The following TTF2 variants were observed in gnomAD, a reference collection of about 807,000 sequenced individuals.
TTF2 encodes the protein RNA polymerase II termination factor.
In TTF2, 108 loss-of-function variants were observed where a neutral mutation model predicts 142.4. The ratio of observed to expected loss-of-function variants is 0.76; its 90% CI spans 0.65 to 0.89. The LOEUF (loss-of-function observed/expected upper bound fraction) is 0.89, where lower values mean the gene tolerates loss of function less well. Ranked by LOEUF, TTF2 falls within the 40% of genes least tolerant of loss-of-function variation. The probability of loss-of-function intolerance (pLI) is 0.00; values close to 1 mark genes in which losing one functional copy is unlikely to be tolerated. For synonymous variants in TTF2, 483 were observed against 506.2 expected, an observed-to-expected ratio of 0.95 and a Z score of 0.61; for missense variants, 1,327 against 1,379.8, an observed-to-expected ratio of 0.96 and a Z score of 0.61.
chr1:117,090,182 C>T lies in TTF2; in HGVS notation c.2470C>T (p.Gln824Ter). Residue 824 changes from glutamine (Q) to a stop codon, truncating the protein, a stop_gained, in exon 14 of 23, where the codon CAG (glutamine) becomes TAG (stop). Transcript: ENST00000369466. LOFTEE classifies it high-confidence loss of function. This position sits in a 1 kb window ranked among gnomAD's most constrained non-coding sequence, Gnocchi z 4.8. ...KSLLLRRTKD[Q>*]LDSTGRPLVI... Reference sequence around the variant, plus strand: ...CCTTTTGCTGAGGAGAACAAAAGACCAGCTGGACTCTACTGGCAGACCTTT... The same window carrying T: ...CCTTTTGCTGAGGAGAACAAAAGACTAGCTGGACTCTACTGGCAGACCTTT... 1 of 1,614,004 alleles carries T rather than the reference C, an allele frequency of 6.2e-7. No homozygotes were observed. The highest frequency in any genetic ancestry group is 2.2e-5 in the East Asian group (1 of 44,882).
rs1257442911 is a variant in TTF2, at chr1:117,073,811, G to A, written c.285+84G>A. ...CACCTGAAAATACCTTGAAGTTCAC[G>A]TAAATGAGTTGGTCTTCATCAGACT... is the stretch of plus-strand genomic sequence containing the variant. On this transcript the variant is annotated intron_variant, in intron 4 of 22. Transcript: ENST00000369466. This position sits in a 1 kb window ranked among gnomAD's most constrained non-coding sequence, Gnocchi z 4.4. 85 of 1,316,878 alleles carry A rather than the reference G, an allele frequency of 6.5e-5. No individual in the cohort carries two copies. Among genetic ancestry groups the A allele is most frequent in the South Asian group, 2.1e-4 (15 of 72,566 alleles). 81.6% of individuals were successfully genotyped at this position (1,316,878 alleles called of 1,614,324 possible). A position where few individuals can be genotyped will look rare whatever the true frequency, so the allele number is the denominator to read the frequency against.
rs1647416048 is a variant in TTF2, at chr1:117,080,601, A to G, written c.1783+952A>G. ...AGGCTAAAATTTTCTAAGGTGTTCA[A>G]TTTTCAGAAACCATGATAGATGTCC... On this transcript the variant is annotated intron_variant, in intron 9 of 22. Transcript: ENST00000369466. The surrounding 1 kb of genome is among the most constrained non-coding windows in gnomAD (Gnocchi z 4.3). Among the ~76,000 whole-genome samples, 1 of 152,146 alleles carries G rather than the reference A, an allele frequency of 6.6e-6. No individual in the cohort carries two copies.
rs1649904006 is a variant in TTF2 at position 117,105,907 on chromosome 1, A to G, written c.*4383A>G. ...CTCTGATTGTCTGTTGCTCAATGAA[A>G]TGGCTTTTAGCAGGGCTCAAAGGTG... On this transcript the variant is annotated 3_prime_UTR_variant, in exon 23 of 23. Transcript: ENST00000369466. The surrounding 1 kb of genome is among the most constrained non-coding windows in gnomAD (Gnocchi z 4.7). 6.6e-6 allele frequency: 1 copy of G among 152,180 alleles called. No individual in the cohort carries two copies. Among genetic ancestry groups the G allele is most frequent in the African/African-American group, 2.4e-5 (1 of 41,442 alleles). 9.4% of individuals were successfully genotyped at this position (152,180 alleles called of 1,614,324 possible).
At chr1:117,084,228 G>T in intron 11 of TTF2, 60 bp downstream of exon 11, 2 of 1,595,490 alleles carry the variant, frequency 1.3e-6, no homozygotes, top group Non-Finnish European at 1.7e-6. Context: ...GGGCCCACGG[G>T]CCTTTGCTCC....
Position 117,076,343 on chromosome 1 carries a change from G to T in TTF2, c.1390+49G>T. ...CTCCGGGTTTGCATCGACTTTACAAGAGACATTCGGGAAGCCCTTTTAATA... is the reference window on the plus strand; with the variant it reads ...CTCCGGGTTTGCATCGACTTTACAATAGACATTCGGGAAGCCCTTTTAATA... On this transcript the variant is annotated intron_variant, in intron 6 of 22. Transcript: ENST00000369466. The surrounding 1 kb of genome is among the most constrained non-coding windows in gnomAD (Gnocchi z 4.6). The T allele has an allele frequency of 1.4e-6, 2 of 1,448,484 alleles. No individual in the cohort carries two copies. The highest frequency in any genetic ancestry group is 2.4e-5 in the South Asian group (2 of 83,950). 89.7% of individuals were successfully genotyped at this position (1,448,484 alleles called of 1,614,324 possible).
rs1656453381 is a variant in TTF2, at chr1:117,070,018, A to G, written c.219-3643A>G. On this transcript the variant is annotated intron_variant, in intron 3 of 22. Transcript: ENST00000369466. This position sits in a 1 kb window ranked among gnomAD's most constrained non-coding sequence, Gnocchi z 4.2. The stretch of plus-strand genomic sequence containing the variant: ...TTTCCACTGCATTCTTTGTTGATTT[A>G]CAATATAATAAAACGTAACAAACAA... Among the ~76,000 whole-genome samples, 1 of 152,248 alleles carries G rather than the reference A, an allele frequency of 6.6e-6. No homozygotes were observed. Among genetic ancestry groups the G allele is most frequent in the African/African-American group, 2.4e-5 (1 of 41,456 alleles).
Position 117,091,825 on chromosome 1 carries a change from G to T in TTF2, c.2680G>T (p.Glu894Ter). The change falls in exon 17 of 23, where the codon GAG (glutamate) becomes TAG (stop). Residue 894 changes from glutamate to a stop codon, truncating the protein, a stop_gained. Transcript: ENST00000369466. LOFTEE classifies it high-confidence loss of function. ...PNNPFSRVAL[E>*]FGSEEPRHSE... ...GTCTTCCCTCTTGGAAGTGGCACTG[G>T]AGTTTGGGTCTGAGGAGCCTAGACA... is the stretch of plus-strand genomic sequence containing the variant. 6.2e-7 allele frequency: 1 copy of T among 1,612,754 alleles called. No homozygotes were observed. The highest frequency in any genetic ancestry group is 8.5e-7 in the Non-Finnish European group (1 of 1,179,310).
In TTF2 at chr1:117,107,288, T is replaced by C. The variant is rs945676873; in HGVS notation, c.*5764T>C. ...CCAACACCCACACACAAACTTTAAA[T>C]ATTTGTAACAGAATTGTTACCATTA... On this transcript the variant is annotated 3_prime_UTR_variant, in exon 23 of 23. Transcript: ENST00000369466. 1 of 152,204 alleles carries C rather than the reference T, an allele frequency of 6.6e-6. No individual in the cohort carries two copies. Among genetic ancestry groups the C allele is most frequent in the Non-Finnish European group, 1.5e-5 (1 of 68,056 alleles). 9.4% of individuals were successfully genotyped at this position (152,204 alleles called of 1,614,324 possible).
In TTF2 at chr1:117,104,274, T is replaced by G. The variant is rs530874492; in HGVS notation, c.*2750T>G. 19 of 152,366 alleles carry G rather than the reference T, an allele frequency of 1.2e-4. No homozygotes were observed. The highest frequency in any genetic ancestry group is 2.2e-4 in the Non-Finnish European group (15 of 68,024). The allele number at this position is 152,366 out of a possible 1,614,324, so 9.4% of individuals were successfully genotyped here. On this transcript the variant is annotated 3_prime_UTR_variant, in exon 23 of 23. Transcript: ENST00000369466. ...TCCTTTCATCTGTAAAATGTGTGGATTAGCATGTATCTCATGCTCCACTGG... is the reference window on the plus strand; with the variant it reads ...TCCTTTCATCTGTAAAATGTGTGGAGTAGCATGTATCTCATGCTCCACTGG...
rs1353896851 is a variant in TTF2 at position 117,073,060 on chromosome 1, TG to T, written c.219-600del. ...TTGATTAATATGTCTTTTAAGTCTC[TG>T]AAGTTTTCCCTTCATCTTTTTTTCT... On this transcript the variant is annotated intron_variant, in intron 3 of 22. Coordinates refer to ENST00000369466, the MANE Select transcript of TTF2 (RefSeq NM_003594.4). This position sits in a 1 kb window ranked among gnomAD's most constrained non-coding sequence, Gnocchi z 4.4. 6.6e-6 allele frequency among the ~76,000 whole-genome samples: 1 copy of T among 152,272 alleles called. No homozygotes were observed. Among genetic ancestry groups the T allele is most frequent in the Non-Finnish European group, 1.5e-5 (1 of 68,044 alleles).
Position 117,097,141 on chromosome 1 carries a change from A to C in TTF2, c.3187-210A>C, listed in dbSNP as rs1048634318. Among the ~76,000 whole-genome samples the C allele has an allele frequency of 1.3e-5, 2 of 152,158 alleles. No individual in the cohort carries two copies. The highest frequency in any genetic ancestry group is 3.8e-4 in the East Asian group (2 of 5,202). On this transcript the variant is annotated intron_variant, in intron 20 of 22. Transcript: ENST00000369466. This position sits in a 1 kb window ranked among gnomAD's most constrained non-coding sequence, Gnocchi z 4.1. ...AGTTAATTTTTTGAGGTTGACTCAC[A>C]CACACACAAAATGTGATGTGAGAAT...
In TTF2 at chr1:117,098,852, C is replaced by G. The variant is rs750711868; in HGVS notation, c.3289C>G (p.Gln1097Glu). 2 of 1,612,108 alleles carry G rather than the reference C, an allele frequency of 1.2e-6. No homozygotes were observed. Among genetic ancestry groups the G allele is most frequent in the Non-Finnish European group, 1.7e-6 (2 of 1,179,484 alleles). Residue 1097 changes from glutamine to glutamate, a missense_variant, in exon 22 of 23, where the codon CAA (glutamine) becomes GAA (glutamate). By Grantham distance (29) the Gln-to-Glu change is conservative. Coordinates refer to ENST00000369466, the MANE Select transcript of TTF2 (RefSeq NM_003594.4). Reference protein sequence around the residue: ...DMHWNPSLEDQACDRIYRVGQ... With the variant: ...DMHWNPSLEDEACDRIYRVGQ... ...TAACAGGAATCCATCACTTGAAGATCAAGCTTGTGACCGAATTTACCGAGT... is the reference window on the plus strand; with the variant it reads ...TAACAGGAATCCATCACTTGAAGATGAAGCTTGTGACCGAATTTACCGAGT...
chr1:117,064,666 T>C lies in TTF2; in HGVS notation c.218+2193T>C, dbSNP rs536664151. Among the ~76,000 whole-genome samples the C allele has an allele frequency of 1.1e-4, 16 of 152,220 alleles. No individual in the cohort carries two copies. The South Asian group carries it at 2.9e-3, about 28-fold the overall frequency. On this transcript the variant is annotated intron_variant, in intron 3 of 22. Coordinates refer to ENST00000369466, the MANE Select transcript of TTF2 (RefSeq NM_003594.4). Reference sequence around the variant, plus strand: ...CCAAGTAGTCCCAAGTAGCTGGGACTACAGGTGTGCACCAATAATTTTTTT... The same window carrying C: ...CCAAGTAGTCCCAAGTAGCTGGGACCACAGGTGTGCACCAATAATTTTTTT...
chr1:117,076,278 C>G lies in TTF2; in HGVS notation c.1374C>G (p.Thr458=). Residue 458 remains threonine, a synonymous_variant, in exon 6 of 23, where the codon ACC becomes ACG. Coordinates refer to ENST00000369466, the MANE Select transcript of TTF2 (RefSeq NM_003594.4). The surrounding 1 kb of genome is among the most constrained non-coding windows in gnomAD (Gnocchi z 4.6). The part of the protein sequence containing the change: ...QELEEVLSGL[T]LSPEQGTNEK... The stretch of plus-strand genomic sequence containing the variant: ...TGGAGGAAGTACTCAGTGGTCTTAC[C>G]CTTTCCCCAGAGCAAGGTAAAGTGG... 1 of 1,613,830 alleles carries G rather than the reference C, an allele frequency of 6.2e-7. No individual in the cohort carries two copies. Among genetic ancestry groups the G allele is most frequent in the South Asian group, 1.1e-5 (1 of 91,050 alleles).
rs1647801025 is a variant in TTF2, at chr1:117,084,182, T to C, written c.2054+14T>C. The C allele has an allele frequency of 1.2e-6, 2 of 1,613,920 alleles. No homozygotes were observed. The highest frequency in any genetic ancestry group is 1.7e-6 in the Non-Finnish European group (2 of 1,179,916). ...ACGTGCCAGAGTGTAAGTGCAGGAA[T>C]ACGCAGTTGTGGGGGCGTTCAGCAC... On this transcript the variant is annotated intron_variant, in intron 11 of 22. Coordinates refer to ENST00000369466, the MANE Select transcript of TTF2 (RefSeq NM_003594.4).
intron 3 of TTF2, among the ~76,000 whole-genome samples, chr1:117,069,799 ATTACCT>A (rs1019958270): frequency 1.3e-5 from 2 of 152,204 alleles, no homozygotes; most frequent in African/African-American, 4.8e-5. Flanking sequence ...TGAGTTGGAC[ATTACCT>A]TTAGGAAAAT....
Position 117,067,498 on chromosome 1 carries a change from C to A in TTF2, c.218+5025C>A, listed in dbSNP as rs139449595. Among the ~76,000 whole-genome samples, 444 of 139,494 alleles carry A rather than the reference C, an allele frequency of 3.2e-3. 4 individuals carry two copies. Among genetic ancestry groups the A allele is most frequent in the African/African-American group, 0.011 (424 of 36,928 alleles). The allele number at this position is 139,494 out of a possible 152,430, so 91.5% of individuals were successfully genotyped here. A position where few individuals can be genotyped will look rare whatever the true frequency, so the allele number is the denominator to read the frequency against. ...CAAGATCACATCATTACACTCCAAC[C>A]TGGATGACAGAGCAAGACTCAGTCT... On this transcript the variant is annotated intron_variant, in intron 3 of 22. Transcript: ENST00000369466.
At chr1:117,084,484 G>C (rs1307002540) in intron 11 of TTF2, among the ~76,000 whole-genome samples, 6 of 152,212 alleles carry the variant, frequency 3.9e-5, no homozygotes, top group African/African-American at 1.4e-4. Flanking sequence ...ATGGCTGCTG[G>C]AGTTCTGATT....
At chr1:117,083,241 CAAAAAA>C (rs937586299) in intron 10 of TTF2, among the ~76,000 whole-genome samples, 1 of 53,304 alleles carries the variant, frequency 1.9e-5, no homozygotes, top group Non-Finnish European at 4.0e-5. Context: ...GACTCCGTCT[CAAAAAA>C]AAAAAAAAAA....
Sources: allele counts gnomAD v4.1 joint callset (sites outside exome capture counted in the v4.1 genomes callset), GRCh38; gene constraint gnomAD v4.1.1; non-coding constraint Gnocchi (gnomAD v3.1); transcripts MANE v1.5; gene names NCBI Gene and HGNC (gene_info 2026-07-23, HGNC 2026-07-21).